PDE4D: variants seen among roughly 807,000 people sequenced by gnomAD.
The protein encoded by PDE4D is phosphodiesterase 4D.
Under a neutral mutation model 87.4 loss-of-function variants are expected in PDE4D, and 24 were observed. The observed-to-expected ratio is 0.27, with a 90% confidence interval of 0.20 to 0.39. The LOEUF is 0.39. Ranked by LOEUF, PDE4D falls within the 10% of genes least tolerant of loss-of-function variation. PDE4D has a pLI of 1.00. For synonymous variants in PDE4D, 384 were observed against 383.2 expected (o/e 1.00, Z -0.02); for missense variants, 714 against 1,041.0 (o/e 0.69, Z 4.32).
chr5:59,208,474 A>G (rs895595620), intron 2 of PDE4D, among the ~76,000 whole-genome samples: 1 of 152,236 alleles, frequency 6.6e-6, no homozygotes, highest in African/African-American at 2.4e-5. Flanking sequence ...TTAATTCGTT[A>G]TTTTAAAGGT....
chr5:59,204,882 C>A (rs1227256946), intron 2 of PDE4D, among the ~76,000 whole-genome samples: 1 of 152,160 alleles, frequency 6.6e-6, no homozygotes, highest in Non-Finnish European at 1.5e-5. Context: ...TGAAAAGATT[C>A]AATAGATTAA....
At chr5:59,192,767 T>G (rs1380579852) in intron 3 of PDE4D, among the ~76,000 whole-genome samples, 1 of 152,232 alleles carries the variant, frequency 6.6e-6, no homozygotes, top group Non-Finnish European at 1.5e-5. Flanking sequence ...TCTCAACTTC[T>G]CCTGCACACT....
chr5:59,012,869 C>A (rs544473011), intron 6 of PDE4D, among the ~76,000 whole-genome samples: 6 of 152,316 alleles, frequency 3.9e-5, no homozygotes, highest in African/African-American at 1.4e-4. Context: ...AGCACCACAT[C>A]ACAGTTATTC....
At chr5:59,016,005 T>C (rs900362324) in intron 6 of PDE4D, among the ~76,000 whole-genome samples, 20 of 152,178 alleles carry the variant, frequency 1.3e-4, no homozygotes, top group Non-Finnish European at 2.9e-5. Flanking sequence ...GAAGCCATCA[T>C]TCTGAGCAAA....
chr5:60,333,543 G>C (rs4460096), intron 1 of PDE4D, among the ~76,000 whole-genome samples: 4 of 152,224 alleles, frequency 2.6e-5, no homozygotes, highest in African/African-American at 4.8e-5. Flanking sequence ...GGCTCAGAAG[G>C]TTCCAAATAT....
chr5:60,370,532 G>C (rs942430472), intron 1 of PDE4D, among the ~76,000 whole-genome samples: 2 of 152,136 alleles, frequency 1.3e-5, no homozygotes, highest in African/African-American at 2.4e-5. Flanking sequence ...GAAGTAATAA[G>C]AAGAAAGAAA....
rs5868189 is a variant in PDE4D, at chr5:59,647,472, T to TTTA, written c.455+245695_455+245696insTAA. 2.9e-3 allele frequency among the ~76,000 whole-genome samples: 436 copies of TTTA among 149,800 alleles called. 3 individuals are homozygous for TTTA. The highest frequency in any genetic ancestry group is 7.2e-3 in the African/African-American group (297 of 41,056). On this transcript the variant is annotated intron_variant, in intron 1 of 14. Transcript: ENST00000340635. ...GGATTTTTCAAAGTTTTTTTTTTTT[T>TTTA]AATTAAAATAGTGATTTTAAATATA...
At chr5:60,166,386 C>T (rs1782903288) in intron 2 of PDE4D, among the ~76,000 whole-genome samples, 1 of 152,184 alleles carries the variant, frequency 6.6e-6, no homozygotes, top group Admixed American at 6.5e-5. Context: ...CTGATAACAA[C>T]TTAACATGGA....
chr5:59,044,435 T>C (rs981919062), intron 5 of PDE4D, among the ~76,000 whole-genome samples: 2 of 152,230 alleles, frequency 1.3e-5, no homozygotes, highest in Admixed American at 6.5e-5. Flanking sequence ...AAATTTCCCC[T>C]TTGTTCTACG....
chr5:60,337,388 T>TATATATATATATATATATACAC (rs66871903), intron 1 of PDE4D, among the ~76,000 whole-genome samples: 2 of 89,478 alleles, frequency 2.2e-5, no homozygotes, highest in Admixed American at 1.3e-4. Context: ...TATATATATA[T>TATATATATATATATATATACAC]ACACACACAC....
At chr5:59,858,170 G>T (rs1265800253) in intron 1 of PDE4D, among the ~76,000 whole-genome samples, 1 of 152,128 alleles carries the variant, frequency 6.6e-6, no homozygotes. Context: ...CATTTCATAG[G>T]TATGTGAGTA....
chr5:59,202,780 C>T (rs971534445), intron 2 of PDE4D, among the ~76,000 whole-genome samples: 6 of 152,156 alleles, frequency 3.9e-5, no homozygotes, highest in Non-Finnish European at 5.9e-5. Context: ...TGCTCCTCCT[C>T]GCCTTCCACC....
chr5:60,472,562 C>T (rs1747892554), intron 1 of PDE4D, among the ~76,000 whole-genome samples: 2 of 152,164 alleles, frequency 1.3e-5, no homozygotes, highest in African/African-American at 4.8e-5. Flanking sequence ...AACCTCATTA[C>T]CAGCTTTACT....
At chr5:59,195,745 G>T (rs759046995) in intron 2 of PDE4D, among the ~76,000 whole-genome samples, 12 of 152,176 alleles carry the variant, frequency 7.9e-5, no homozygotes, top group Admixed American at 2.6e-4. Context: ...AATTAATAAT[G>T]TTAAGTGCTG....
At chr5:60,105,936 G>T (rs1409875664) in intron 2 of PDE4D, among the ~76,000 whole-genome samples, 1 of 152,210 alleles carries the variant, frequency 6.6e-6, no homozygotes, top group Non-Finnish European at 1.5e-5. Flanking sequence ...ATGCTAGGAA[G>T]AGACCGCATC....
intron 1 of PDE4D, among the ~76,000 whole-genome samples, chr5:59,319,925 G>A (rs2153570792): frequency 6.6e-6 from 1 of 152,224 alleles, no homozygotes; most frequent in East Asian, 1.9e-4. Flanking sequence ...CAGTTCTACA[G>A]GAACCAAGAC....
intron 1 of PDE4D, among the ~76,000 whole-genome samples, chr5:60,316,501 G>T (rs1443285807): frequency 6.6e-6 from 1 of 152,096 alleles, no homozygotes. Context: ...TGATTGTCCT[G>T]GCCAGAACTT....
At chr5:60,315,825 T>A (rs1483818284) in intron 1 of PDE4D, among the ~76,000 whole-genome samples, 1 of 151,940 alleles carries the variant, frequency 6.6e-6, no homozygotes, top group African/African-American at 2.4e-5. Flanking sequence ...CTGAGGTCTC[T>A]GTTCTGTTCC....
intron 1 of PDE4D, among the ~76,000 whole-genome samples, chr5:59,280,894 A>C (rs1409029290): frequency 6.6e-6 from 1 of 152,036 alleles, no homozygotes; most frequent in Non-Finnish European, 1.5e-5. Flanking sequence ...CTAGAGAAGG[A>C]TATAAATATG....
Sources: gnomAD v4.1 joint callset for allele counts (sites outside exome capture counted in the v4.1 genomes callset) on GRCh38, gnomAD v4.1.1 for gene constraint, MANE v1.5 for transcripts, NCBI Gene and HGNC (gene_info 2026-07-23, HGNC 2026-07-21) for gene names.